The following RAD51B variants were observed in gnomAD, a reference collection of about 807,000 sequenced individuals.
The protein encoded by RAD51B is DNA repair protein RAD51 homolog 2.
Under a neutral mutation model 42.2 loss-of-function variants are expected in RAD51B, and 38 were observed. The ratio of observed to expected loss-of-function variants is 0.90; its 90% CI spans 0.70 to 1.18. The LOEUF (loss-of-function observed/expected upper bound fraction) is 1.18. Ranked by LOEUF, RAD51B falls within the 50% of genes most tolerant of loss-of-function variation. The pLI is 0.00. For synonymous variants in RAD51B, 154 were observed against 145.2 expected, an observed-to-expected ratio of 1.06 and a Z score of -0.43; for missense variants, 373 against 400.7, an observed-to-expected ratio of 0.93 and a Z score of 0.59.
intron 7 of RAD51B, among the ~76,000 whole-genome samples, chr14:67,965,923 T>C (rs1264745585): frequency 6.6e-6 from 1 of 152,108 alleles, no homozygotes; most frequent in African/African-American, 2.4e-5. Flanking sequence ...GGCTGCCGAC[T>C]AGTTTCTCTT....
intron 7 of RAD51B, among the ~76,000 whole-genome samples, chr14:68,240,348 G>A (rs932579293): frequency 3.3e-5 from 5 of 152,172 alleles, no homozygotes; most frequent in Non-Finnish European, 4.4e-5. Context: ...ACAATAAACA[G>A]GAACTTCTGG....
At chr14:68,004,444 T>C (rs973491151) in intron 7 of RAD51B, among the ~76,000 whole-genome samples, 3 of 152,178 alleles carry the variant, frequency 2.0e-5, no homozygotes, top group South Asian at 4.2e-4. Context: ...TTCTAGATTA[T>C]AGAAGAAGCT....
chr14:68,468,407 G>A, intron 10 of RAD51B, 157 bp downstream of exon 10: 1 of 833,076 alleles, frequency 1.2e-6, no homozygotes, highest in Admixed American at 1.7e-5. Context: ...GAGAGCAAGA[G>A]AGCGGCAGTT....
chr14:68,329,657 A>T (rs2082309898), intron 8 of RAD51B, among the ~76,000 whole-genome samples: 1 of 152,214 alleles, frequency 6.6e-6, no homozygotes, highest in South Asian at 2.1e-4. Context: ...AAATAATCTG[A>T]GGATTTTTAT....
chr14:68,118,821 G>A (rs767554659), intron 7 of RAD51B, among the ~76,000 whole-genome samples: 6 of 152,042 alleles, frequency 3.9e-5, no homozygotes, highest in Non-Finnish European at 5.9e-5. Context: ...GTGTGTGTGT[G>A]TTCATTCATT....
intron 5 of RAD51B, among the ~76,000 whole-genome samples, chr14:67,880,066 T>C (rs1035287309): frequency 6.6e-6 from 1 of 152,232 alleles, no homozygotes; most frequent in Admixed American, 6.5e-5. Context: ...CACTGTCTTA[T>C]GGAGTTCTAA....
downstream of RAD51B, among the ~76,000 whole-genome samples, chr14:68,480,555 G>A (rs1883096091): frequency 6.6e-6 from 1 of 152,022 alleles, no homozygotes; most frequent in Admixed American, 6.6e-5. Flanking sequence ...GGAAAAATTA[G>A]AATTCTTATC....
chr14:68,333,815 C>G (rs981200081), intron 8 of RAD51B, among the ~76,000 whole-genome samples: 8 of 152,108 alleles, frequency 5.3e-5, no homozygotes, highest in African/African-American at 1.9e-4. Flanking sequence ...CTACATTTTT[C>G]AAGAATGTAA....
intron 10 of RAD51B, among the ~76,000 whole-genome samples, chr14:68,520,530 A>G (rs1171932577): frequency 6.6e-6 from 1 of 152,214 alleles, no homozygotes; most frequent in Non-Finnish European, 1.5e-5. Flanking sequence ...GGCTTTAATT[A>G]AACATATAAC....
chr14:68,101,272 T>G (rs2077284467), intron 7 of RAD51B, among the ~76,000 whole-genome samples: 1 of 152,180 alleles, frequency 6.6e-6, no homozygotes, highest in South Asian at 2.1e-4. Flanking sequence ...TTCCCAAATC[T>G]CATGCCCTCA....
intron 8 of RAD51B, among the ~76,000 whole-genome samples, chr14:68,390,808 A>G (rs79772897): frequency 0.031 from 4,746 of 152,314 alleles, 251 homozygotes; most frequent in African/African-American, 0.11. Context: ...GTGTTTCACC[A>G]ACTACTCAGA....
At chr14:67,868,756 C>T (rs1355178851) in intron 5 of RAD51B, among the ~76,000 whole-genome samples, 6 of 152,384 alleles carry the variant, frequency 3.9e-5, no homozygotes, top group African/African-American at 1.4e-4. Flanking sequence ...GGCAGACTGC[C>T]TCCTCAAGTG....
At chr14:68,092,612 G>T (rs1445617762) in intron 7 of RAD51B, among the ~76,000 whole-genome samples, 1 of 152,066 alleles carries the variant, frequency 6.6e-6, no homozygotes, top group Non-Finnish European at 1.5e-5. Flanking sequence ...GCGACGATGG[G>T]GTTTTCTAGA....
At chr14:68,488,758 C>G (rs1016158492) in intron 10 of RAD51B, among the ~76,000 whole-genome samples, 2 of 152,166 alleles carry the variant, frequency 1.3e-5, no homozygotes, top group Non-Finnish European at 2.9e-5. Flanking sequence ...CTGCAAAACC[C>G]CATTGCAGTG....
At chr14:68,248,923 C>T (rs2080559631) in intron 7 of RAD51B, among the ~76,000 whole-genome samples, 1 of 152,236 alleles carries the variant, frequency 6.6e-6, no homozygotes, top group Admixed American at 6.5e-5. Context: ...GCACCCTCGC[C>T]TTTGTGTGGC....
At chr14:67,826,010 G>A (rs112600287) in intron 3 of RAD51B, among the ~76,000 whole-genome samples, 60 of 152,300 alleles carry the variant, frequency 3.9e-4, no homozygotes, top group African/African-American at 1.3e-3. Context: ...GATTACAGGC[G>A]TGAGCCACCG....
At chr14:68,484,120 C>A (rs1302061287) in intron 10 of RAD51B, among the ~76,000 whole-genome samples, 2 of 152,176 alleles carry the variant, frequency 1.3e-5, no homozygotes, top group African/African-American at 4.8e-5. Flanking sequence ...ATAGACTTCG[C>A]GTACCCTGAG....
chr14:68,464,570 C>T (rs2085926891), intron 9 of RAD51B, among the ~76,000 whole-genome samples: 1 of 152,188 alleles, frequency 6.6e-6, no homozygotes, highest in Admixed American at 6.5e-5. Context: ...GAATTCTGTA[C>T]ATTCTACTAG....
intron 5 of RAD51B, among the ~76,000 whole-genome samples, chr14:67,882,752 C>G (rs2042948366): frequency 6.8e-6 from 1 of 147,704 alleles, no homozygotes; most frequent in Non-Finnish European, 1.5e-5. Flanking sequence ...GAAATTCTTT[C>G]TTTTTTTTTT....
Sources: gnomAD v4.1 joint callset for allele counts (sites outside exome capture counted in the v4.1 genomes callset) on GRCh38, gnomAD v4.1.1 for gene constraint, MANE v1.5 for transcripts, NCBI Gene and HGNC (gene_info 2026-07-23, HGNC 2026-07-21) for gene names.